Variants in PDCD6IP observed in about 807,000 individuals in gnomAD.
PDCD6IP encodes programmed cell death 6-interacting protein.
In PDCD6IP, 43 loss-of-function variants were observed where a neutral mutation model predicts 103.7. The ratio of observed to expected loss-of-function variants is 0.41; its 90% CI spans 0.32 to 0.53. The LOEUF is 0.53. PDCD6IP is among the 20% of genes least tolerant of loss of function. The probability of loss-of-function intolerance (pLI) is 0.16; values close to 1 mark genes in which losing one functional copy is unlikely to be tolerated. For synonymous variants in PDCD6IP, 354 were observed against 378.7 expected, an observed-to-expected ratio of 0.93 and a Z score of 0.76; for missense variants, 871 against 1,036.7, an observed-to-expected ratio of 0.84 and a Z score of 2.20.
chr3:33,818,503 T>A (rs1215722927), intron 3 of PDCD6IP, among the ~76,000 whole-genome samples: 2 of 149,552 alleles, frequency 1.3e-5, no homozygotes, highest in Non-Finnish European at 3.0e-5. Context: ...TTGAAGATAT[T>A]GATCCCTTGC....
chr3:33,830,967 A>G (rs1307847023), intron 7 of PDCD6IP, among the ~76,000 whole-genome samples: 1 of 152,168 alleles, frequency 6.6e-6, no homozygotes, highest in East Asian at 1.9e-4. Context: ...AAAGAGAAAT[A>G]ACTTATTGGT....
intron 3 of PDCD6IP, among the ~76,000 whole-genome samples, chr3:33,819,746 G>A (rs962508009): frequency 6.6e-6 from 1 of 152,150 alleles, no homozygotes; most frequent in African/African-American, 2.4e-5. Context: ...TTTGCCTAGT[G>A]GTCAATGCCT....
rs940401860 is a variant in PDCD6IP, at chr3:33,869,108, A to G, written c.*2583A>G. On this transcript the variant is annotated 3_prime_UTR_variant, in exon 18 of 18. Transcript: ENST00000307296. Reference sequence around the variant, plus strand: ...CCTTGTGTCCCTAAAGTTCTGTCCCAGTCAGCAGTCTTTATAGTCCAAACA... The same window carrying G: ...CCTTGTGTCCCTAAAGTTCTGTCCCGGTCAGCAGTCTTTATAGTCCAAACA... 51 of 152,242 alleles carry G rather than the reference A, an allele frequency of 3.3e-4. No homozygotes were observed. The highest frequency in any genetic ancestry group is 1.2e-3 in the African/African-American group (49 of 41,458). 9.4% of individuals were successfully genotyped at this position (152,242 alleles called of 1,614,324 possible).
intron 6 of PDCD6IP, chr3:33,827,454 A>G (rs1697153772): frequency 6.6e-6 from 1 of 152,630 alleles, no homozygotes; most frequent in African/African-American, 2.4e-5. Context: ...GTGCATTAAC[A>G]GTACTTATTA....
chr3:33,815,429 A>AC (rs949567929), intron 3 of PDCD6IP, among the ~76,000 whole-genome samples: 4 of 152,214 alleles, frequency 2.6e-5, no homozygotes, highest in Non-Finnish European at 5.9e-5. Context: ...AGGAAAAGGC[A>AC]CTATTATTGC....
chr3:33,866,459 G>A lies in PDCD6IP; in HGVS notation c.2541G>A (p.Pro847=), dbSNP rs773937638. 2.5e-6 allele frequency: 4 copies of A among 1,611,686 alleles called. No homozygotes were observed. The highest frequency in any genetic ancestry group is 2.5e-6 in the Non-Finnish European group (3 of 1,179,184). Residue 847 remains proline (P), a synonymous_variant, in exon 18 of 18, where the codon CCG becomes CCA. Coordinates refer to ENST00000307296, the MANE Select transcript of PDCD6IP (RefSeq NM_013374.6). ...YHQSPGQAPY[P]GPQQPSYPFP... ...AGAGTCCTGGACAGGCTCCATACCC[G>A]GGACCCCAGCAGCCTTCATACCCCT...
chr3:33,847,166 C>G (rs1225483037), intron 12 of PDCD6IP, among the ~76,000 whole-genome samples: 1 of 152,110 alleles, frequency 6.6e-6, no homozygotes, highest in Non-Finnish European at 1.5e-5. Flanking sequence ...TTAGTACTTT[C>G]TTTGTATTCT....
intron 3 of PDCD6IP, among the ~76,000 whole-genome samples, chr3:33,816,095 C>T (rs1052713757): frequency 1.3e-5 from 2 of 152,042 alleles, no homozygotes; most frequent in East Asian, 1.9e-4. Context: ...AACCTGGCTG[C>T]GTATTAGTAT....
At chr3:33,845,356 C>G (rs557725693) in intron 11 of PDCD6IP, 63 bp from the exon 12 acceptor site, 1 of 1,276,482 alleles carries the variant, frequency 7.8e-7, no homozygotes, top group Non-Finnish European at 1.1e-6. Context: ...CAACATATAA[C>G]CAGCCGATAA....
At chr3:33,805,907 G>A (rs963848366) in intron 1 of PDCD6IP, among the ~76,000 whole-genome samples, 1 of 151,868 alleles carries the variant, frequency 6.6e-6, no homozygotes, top group Non-Finnish European at 1.5e-5. Flanking sequence ...ACTACGCCCG[G>A]CTAATTTTTT....
Position 33,854,022 on chromosome 3 carries a change from T to G in PDCD6IP, c.2025+9T>G. The stretch of plus-strand genomic sequence containing the variant: ...TGAAGGAAGGCACAAAGGTATGAAG[T>G]ACATGCAAAAGGAACCATAGCTAGC... On this transcript the variant is annotated intron_variant, in intron 14 of 17. Coordinates refer to ENST00000307296, the MANE Select transcript of PDCD6IP (RefSeq NM_013374.6). 1 of 1,566,758 alleles carries G rather than the reference T, an allele frequency of 6.4e-7. No individual in the cohort carries two copies. The highest frequency in any genetic ancestry group is 1.2e-5 in the South Asian group (1 of 80,910).
intron 14 of PDCD6IP, chr3:33,854,961 T>G (rs1697795407): frequency 3.1e-6 from 1 of 325,086 alleles, no homozygotes; most frequent in Admixed American, 4.8e-5. Flanking sequence ...TCTGTAAAAA[T>G]GCTTTTATTA....
chr3:33,819,372 A>G (rs2125551993), intron 3 of PDCD6IP, among the ~76,000 whole-genome samples: 1 of 152,262 alleles, frequency 6.6e-6, no homozygotes. Flanking sequence ...TGATATTTGG[A>G]ATATAATCTT....
intron 1 of PDCD6IP, among the ~76,000 whole-genome samples, chr3:33,809,202 C>T (rs1261906823): frequency 1.3e-5 from 2 of 152,192 alleles, no homozygotes; most frequent in African/African-American, 2.4e-5. Flanking sequence ...TTTTGTCTTC[C>T]CCTCTAAAAG....
chr3:33,860,585 T>C (rs534730167), intron 15 of PDCD6IP, among the ~76,000 whole-genome samples: 1 of 152,320 alleles, frequency 6.6e-6, no homozygotes, highest in African/African-American at 2.4e-5. Flanking sequence ...TATCCTAACT[T>C]GTAAGAACAT....
At chr3:33,816,532 AAT>A (rs1469785099) in intron 3 of PDCD6IP, among the ~76,000 whole-genome samples, 1 of 151,552 alleles carries the variant, frequency 6.6e-6, no homozygotes, top group African/African-American at 2.4e-5. Flanking sequence ...AAAAAAAGAA[AAT>A]ATCTCCAGGT....
chr3:33,822,166 A>G, intron 4 of PDCD6IP, 84 bp downstream of exon 4: 1 of 1,354,716 alleles, frequency 7.4e-7, no homozygotes, highest in Non-Finnish European at 1.0e-6. Context: ...GTTTATAGAT[A>G]CTTCTTACGC....
chr3:33,806,302 A>T (rs562809213), intron 1 of PDCD6IP, among the ~76,000 whole-genome samples: 1 of 152,152 alleles, frequency 6.6e-6, no homozygotes, highest in East Asian at 1.9e-4. Flanking sequence ...AGCACTTCAT[A>T]TACAGTACCA....
At chr3:33,802,436 A>G (rs1433885798) in intron 1 of PDCD6IP, among the ~76,000 whole-genome samples, 10 of 152,118 alleles carry the variant, frequency 6.6e-5, no homozygotes, top group Non-Finnish European at 1.5e-4. Flanking sequence ...CCCACTTAGC[A>G]GTGCTTGATC....
Sources: gnomAD v4.1 joint callset for allele counts (sites outside exome capture counted in the v4.1 genomes callset) on GRCh38, gnomAD v4.1.1 for gene constraint, MANE v1.5 for transcripts, NCBI Gene and HGNC (gene_info 2026-07-23, HGNC 2026-07-21) for gene names.